Variants in ARHGAP42 observed in about 807,000 individuals in gnomAD.
ARHGAP42 encodes rho GTPase-activating protein 42.
In ARHGAP42, 63 loss-of-function variants were observed where a neutral mutation model predicts 125.0. The observed-to-expected ratio is 0.50, with a 90% CI of 0.41 to 0.62. ARHGAP42 has a LOEUF of 0.62. Ranked by LOEUF, ARHGAP42 falls within the 20% of genes least tolerant of loss-of-function variation. The probability of loss-of-function intolerance (pLI) is 0.00; values close to 1 mark genes in which losing one functional copy is unlikely to be tolerated. For synonymous variants in ARHGAP42, 339 were observed against 351.0 expected (o/e 0.97, Z 0.38); for missense variants, 766 against 1,024.2 (o/e 0.75, Z 3.44).
intron 2 of ARHGAP42, among the ~76,000 whole-genome samples, chr11:100,794,313 C>A (rs1389118861): frequency 5.3e-5 from 8 of 152,010 alleles, no homozygotes; most frequent in Non-Finnish European, 1.2e-4. Flanking sequence ...TTTATTTGCT[C>A]CCACAATGTT....
chr11:100,775,723 G>A (rs1271855240), intron 2 of ARHGAP42, among the ~76,000 whole-genome samples: 2 of 152,174 alleles, frequency 1.3e-5, no homozygotes, highest in Non-Finnish European at 2.9e-5. Context: ...CTTTAAGTCT[G>A]AGCACATCAC....
intron 4 of ARHGAP42, among the ~76,000 whole-genome samples, chr11:100,900,336 A>C (rs1029952799): frequency 1.3e-5 from 2 of 152,192 alleles, no homozygotes; most frequent in African/African-American, 4.8e-5. Flanking sequence ...GGCTGTGCTT[A>C]ACATTTTTTC....
intron 7 of ARHGAP42, among the ~76,000 whole-genome samples, chr11:100,934,807 G>A (rs1190315559): frequency 6.6e-6 from 1 of 152,166 alleles, no homozygotes; most frequent in Admixed American, 6.5e-5. Context: ...TGTCCCATAA[G>A]AAATATGTAA....
intron 3 of ARHGAP42, among the ~76,000 whole-genome samples, chr11:100,802,748 C>A (rs1029237066): frequency 6.6e-6 from 1 of 152,028 alleles, no homozygotes; most frequent in Non-Finnish European, 1.5e-5. Context: ...TAATACACTC[C>A]CTCTTGCCTG....
At chr11:100,950,402 C>G (rs1003152665) in intron 12 of ARHGAP42, among the ~76,000 whole-genome samples, 1 of 150,046 alleles carries the variant, frequency 6.7e-6, no homozygotes, top group African/African-American at 2.4e-5. Flanking sequence ...CAGTGGAGAG[C>G]TTCTTTGTCT....
intron 1 of ARHGAP42, among the ~76,000 whole-genome samples, chr11:100,764,073 A>G (rs1379712882): frequency 6.8e-6 from 1 of 147,094 alleles, no homozygotes; most frequent in Non-Finnish European, 1.5e-5. Flanking sequence ...CCCAGGCTAC[A>G]GTATAATGGT....
chr11:100,920,638 A>C (rs1867212819), intron 5 of ARHGAP42, among the ~76,000 whole-genome samples: 1 of 152,142 alleles, frequency 6.6e-6, no homozygotes, highest in African/African-American at 2.4e-5. Context: ...TAAAGAGTGC[A>C]TCTGAGGGCA....
chr11:100,731,166 CTT>C (rs955199430), intron 1 of ARHGAP42, among the ~76,000 whole-genome samples: 1 of 146,272 alleles, frequency 6.8e-6, no homozygotes. Context: ...TTATATTCTT[CTT>C]TTTTTTTTTG....
At chr11:100,691,622 C>A (rs1181929682) in intron 1 of ARHGAP42, among the ~76,000 whole-genome samples, 1 of 152,032 alleles carries the variant, frequency 6.6e-6, no homozygotes, top group Non-Finnish European at 1.5e-5. Flanking sequence ...CTCAGGTGAT[C>A]CTCCCACCTC....
intron 1 of ARHGAP42, among the ~76,000 whole-genome samples, chr11:100,719,888 T>C (rs977282420): frequency 1.3e-5 from 2 of 152,232 alleles, no homozygotes; most frequent in Non-Finnish European, 1.5e-5. Context: ...CAAGGCTATT[T>C]ACTACTTCTG....
intron 1 of ARHGAP42, among the ~76,000 whole-genome samples, chr11:100,769,585 A>G (rs956397056): frequency 1.3e-5 from 2 of 152,188 alleles, no homozygotes; most frequent in Admixed American, 6.5e-5. Flanking sequence ...CTTGAAGAAA[A>G]TCAGTAGTTT....
At chr11:100,908,237 G>A (rs1057331491) in intron 4 of ARHGAP42, among the ~76,000 whole-genome samples, 1 of 152,164 alleles carries the variant, frequency 6.6e-6, no homozygotes, top group East Asian at 1.9e-4. Flanking sequence ...ATGATTAAGT[G>A]TGGTAAAGTT....
chr11:100,911,099 A>G (rs904531373), intron 4 of ARHGAP42, among the ~76,000 whole-genome samples: 2 of 152,178 alleles, frequency 1.3e-5, no homozygotes, highest in Non-Finnish European at 2.9e-5. Context: ...CATCTATTTT[A>G]AGATGAAAGG....
intron 3 of ARHGAP42, among the ~76,000 whole-genome samples, chr11:100,849,030 A>G (rs1865139281): frequency 6.6e-6 from 1 of 152,206 alleles, no homozygotes; most frequent in Admixed American, 6.5e-5. Flanking sequence ...AAACAGCCTC[A>G]TAGCCAATTC....
chr11:100,784,818 A>G (rs61890769), intron 2 of ARHGAP42, among the ~76,000 whole-genome samples: 7,790 of 152,272 alleles, frequency 0.051, 259 homozygotes, highest in East Asian at 0.18. Context: ...TAGTGCTACA[A>G]GTCATTAGTT....
intron 2 of ARHGAP42, among the ~76,000 whole-genome samples, chr11:100,779,505 C>CACGTATATATAT (rs1565210549): frequency 3.2e-5 from 1 of 30,982 alleles, no homozygotes; most frequent in South Asian, 1.8e-3. Context: ...CACATATATA[C>CACGTATATATAT]ACGTATATAT....
chr11:100,751,402 C>A (rs1410990449), intron 1 of ARHGAP42, among the ~76,000 whole-genome samples: 2 of 151,436 alleles, frequency 1.3e-5, no homozygotes, highest in Non-Finnish European at 1.5e-5. Context: ...CCTGCGCCAG[C>A]CTTCTGAGTA....
intron 4 of ARHGAP42, among the ~76,000 whole-genome samples, chr11:100,881,829 T>TTTTGTTTG (rs142882226): frequency 2.1e-4 from 32 of 151,878 alleles, no homozygotes; most frequent in African/African-American, 5.6e-4. Flanking sequence ...TTTTGTTAGT[T>TTTTGTTTG]TTTGTTTGTT....
At chr11:100,769,522 A>T (rs1022717100) in intron 1 of ARHGAP42, among the ~76,000 whole-genome samples, 9 of 152,122 alleles carry the variant, frequency 5.9e-5, no homozygotes, top group African/African-American at 2.2e-4. Context: ...GAGTATGTTT[A>T]ACTTGAGTCT....
Sources: gnomAD v4.1 joint callset for allele counts (sites outside exome capture counted in the v4.1 genomes callset) on GRCh38, gnomAD v4.1.1 for gene constraint, MANE v1.5 for transcripts, NCBI Gene and HGNC (gene_info 2026-07-23, HGNC 2026-07-21) for gene names.